ANKRD30B: variants seen among roughly 807,000 people sequenced by gnomAD.
The protein encoded by ANKRD30B is ankyrin repeat domain-containing protein 30B.
A neutral mutation model predicts 202.2 loss-of-function variants in ANKRD30B; 144 were observed. The observed-to-expected ratio is 0.71, with a 90% CI of 0.62 to 0.82. The LOEUF (loss-of-function observed/expected upper bound fraction) is 0.82, where lower values mean the gene tolerates loss of function less well. Among genes scored for constraint, ANKRD30B ranks in the 40% least tolerant of loss-of-function variants. ANKRD30B has a pLI of 0.00. For missense variants in ANKRD30B, 1,487 were observed against 1,669.1 expected, an observed-to-expected ratio of 0.89 and a Z score of 1.90; for synonymous variants, 508 against 561.3, an observed-to-expected ratio of 0.91 and a Z score of 1.34.
At chr18:14,754,789 A>T in intron 3 of ANKRD30B, 110 bp from the exon 4 acceptor site, 1 of 692,042 alleles carries the variant, frequency 1.4e-6, no homozygotes, top group Non-Finnish European at 2.1e-6. Context: ...TGATTTACTT[A>T]TTTACTTTCT....
At chr18:14,791,903 A>G (rs1445897322) in intron 16 of ANKRD30B, among the ~76,000 whole-genome samples, 3 of 152,166 alleles carry the variant, frequency 2.0e-5, no homozygotes, top group East Asian at 1.9e-4. Flanking sequence ...GGAAGAATGT[A>G]AAGTGACTTT....
At chr18:14,777,939 A>G in intron 9 of ANKRD30B, 46 bp from the exon 10 acceptor site, 1 of 1,420,382 alleles carries the variant, frequency 7.0e-7, no homozygotes, top group Non-Finnish European at 9.6e-7. Context: ...TCAAAAAAAC[A>G]AAAAAAGGAA....
chr18:14,937,369 G>A, the ANKRD30B span, among the ~76,000 whole-genome samples: 9 of 152,284 alleles, frequency 5.9e-5, no homozygotes, highest in Admixed American at 1.3e-4. Context: ...TAGAGTAAAC[G>A]GGGGTTCAGC....
intron 32 of ANKRD30B, among the ~76,000 whole-genome samples, chr18:14,826,693 T>TCTCTCACACACACACACACA (rs762792279): frequency 2.4e-5 from 3 of 125,038 alleles, no homozygotes; most frequent in Admixed American, 9.0e-5. Context: ...TCTCTCTCTC[T>TCTCTCACACACACACACACA]CACACACACA....
At chr18:14,886,442 G>A in the ANKRD30B span, among the ~76,000 whole-genome samples, 146,312 of 152,078 alleles carry the variant, frequency 0.96, 70,669 homozygotes, top group Middle Eastern at 1. Flanking sequence ...AAATAATTAA[G>A]GTACATATTT....
At chr18:14,937,371 G>T in the ANKRD30B span, among the ~76,000 whole-genome samples, 6 of 152,162 alleles carry the variant, frequency 3.9e-5, no homozygotes, top group Admixed American at 3.9e-4. Context: ...GAGTAAACGG[G>T]GGTTCAGCAG....
At chr18:14,864,288 T>A in the ANKRD30B span, among the ~76,000 whole-genome samples, 2 of 151,762 alleles carry the variant, frequency 1.3e-5, no homozygotes, top group African/African-American at 4.8e-5. Context: ...TTTGCCAAGA[T>A]CACACCACTG....
chr18:14,847,050 T>TTATATGTATATA (rs1421555010), intron 39 of ANKRD30B, among the ~76,000 whole-genome samples: 1 of 111,110 alleles, frequency 9.0e-6, no homozygotes, highest in African/African-American at 3.2e-5. Flanking sequence ...TGATTTAGTT[T>TTATATGTATATA]TATATATATA....
intron 41 of ANKRD30B, among the ~76,000 whole-genome samples, chr18:14,850,958 G>C (rs1440167139): frequency 2.6e-5 from 4 of 151,992 alleles, no homozygotes; most frequent in East Asian, 1.9e-4. Flanking sequence ...ATAACTAAAA[G>C]TGCTTGTTAC....
intron 7 of ANKRD30B, among the ~76,000 whole-genome samples, chr18:14,766,984 T>C (rs921231853): frequency 6.6e-6 from 1 of 152,236 alleles, no homozygotes; most frequent in African/African-American, 2.4e-5. Context: ...AAGTATACTG[T>C]TGATATGGTT....
At chr18:14,777,884 A>G in intron 9 of ANKRD30B, 101 bp from the exon 10 acceptor site, 1 of 741,528 alleles carries the variant, frequency 1.3e-6, no homozygotes, top group Non-Finnish European at 2.3e-6. Flanking sequence ...CAGAGGTGGC[A>G]GTAGGCCGAG....
chr18:14,819,463 C>G (rs1189744079), intron 30 of ANKRD30B, among the ~76,000 whole-genome samples: 4 of 149,838 alleles, frequency 2.7e-5, no homozygotes, highest in African/African-American at 9.9e-5. Flanking sequence ...ATGGTAATGC[C>G]TAGGTTTTCT....
At chr18:14,899,542 T>C in the ANKRD30B span, among the ~76,000 whole-genome samples, 2 of 152,088 alleles carry the variant, frequency 1.3e-5, no homozygotes, top group Non-Finnish European at 2.9e-5. Flanking sequence ...TAGTGCTCCA[T>C]AAATAAAACA....
At chr18:14,905,045 G>T in the ANKRD30B span, among the ~76,000 whole-genome samples, 1 of 152,184 alleles carries the variant, frequency 6.6e-6, no homozygotes, top group African/African-American at 2.4e-5. Flanking sequence ...CAACGAGAGT[G>T]ATTTCTGGTC....
At chr18:14,820,235 T>C (rs953540244) in intron 30 of ANKRD30B, among the ~76,000 whole-genome samples, 1 of 152,340 alleles carries the variant, frequency 6.6e-6, no homozygotes, top group African/African-American at 2.4e-5. Flanking sequence ...TTTGCTGAAT[T>C]TGCTTATCAG....
intron 7 of ANKRD30B, 83 bp downstream of exon 7, chr18:14,764,173 GA>G (rs909059184): frequency 7.5e-7 from 1 of 1,335,680 alleles, no homozygotes; most frequent in Admixed American, 3.1e-5. Context: ...GAGTTGTTGG[GA>G]ATGTCTTGAA....
At chr18:14,805,142 T>C (rs1374182883) in intron 24 of ANKRD30B, among the ~76,000 whole-genome samples, 2 of 150,846 alleles carry the variant, frequency 1.3e-5, no homozygotes, top group East Asian at 3.9e-4. Flanking sequence ...ACCTTGGCTT[T>C]ATTTTTAAGG....
At chr18:14,770,660 G>T (rs183771586) in intron 8 of ANKRD30B, among the ~76,000 whole-genome samples, 7 of 152,260 alleles carry the variant, frequency 4.6e-5, no homozygotes, top group Admixed American at 2.6e-4. Flanking sequence ...TGACAAGTTT[G>T]ATTAAAGATA....
At chr18:14,899,366 G>A in the ANKRD30B span, among the ~76,000 whole-genome samples, 2 of 151,972 alleles carry the variant, frequency 1.3e-5, no homozygotes, top group Non-Finnish European at 2.9e-5. Context: ...ATAAATATAT[G>A]TTGAAATATA....
Sources: allele counts gnomAD v4.1 joint callset (sites outside exome capture counted in the v4.1 genomes callset), GRCh38; gene constraint gnomAD v4.1.1; transcripts MANE v1.5; gene names NCBI Gene and HGNC (gene_info 2026-07-23, HGNC 2026-07-21).